The following ULK4 variants were observed in gnomAD, a reference collection of about 807,000 sequenced individuals.
The protein encoded by ULK4 is inactive serine/threonine-protein kinase ULK4.
Under a neutral mutation model 160.6 loss-of-function variants are expected in ULK4, and 133 were observed. That is an observed-to-expected ratio of 0.83 (90% confidence interval 0.72 to 0.96). The LOEUF (loss-of-function observed/expected upper bound fraction) is 0.96. ULK4 is among the 40% of genes least tolerant of loss of function. The pLI is 0.00. For missense variants in ULK4, 1,580 were observed against 1,499.5 expected (o/e 1.05, Z -0.89); for synonymous variants, 534 against 539.8 (o/e 0.99, Z 0.15).
At chr3:41,566,003 A>G (rs1266515879) in intron 32 of ULK4, 22 bp downstream of exon 32, 2 of 1,590,378 alleles carry the variant, frequency 1.3e-6, no homozygotes, top group African/African-American at 1.3e-5. Flanking sequence ...TTGATCAGAG[A>G]GTAATTCTAT....
chr3:41,858,774 G>A (rs2042431348), intron 17 of ULK4, among the ~76,000 whole-genome samples: 1 of 151,264 alleles, frequency 6.6e-6, no homozygotes, highest in Admixed American at 6.6e-5. Context: ...CAAAGTGTCG[G>A]GATTATAGGC....
At chr3:41,291,784 T>G (rs1329068927) in intron 35 of ULK4, among the ~76,000 whole-genome samples, 2 of 151,912 alleles carry the variant, frequency 1.3e-5, no homozygotes, top group Non-Finnish European at 2.9e-5. Context: ...GTTGCACAGC[T>G]GTATTTTGCT....
intron 34 of ULK4, among the ~76,000 whole-genome samples, chr3:41,414,159 C>T (rs183769077): frequency 3.3e-5 from 5 of 152,328 alleles, no homozygotes; most frequent in African/African-American, 7.2e-5. Context: ...AGAGATCGTG[C>T]CATTGCACTC....
chr3:41,685,548 C>A (rs924278676), intron 27 of ULK4, among the ~76,000 whole-genome samples: 3 of 152,058 alleles, frequency 2.0e-5, no homozygotes, highest in Non-Finnish European at 4.4e-5. Context: ...CAAAATAAAC[C>A]AAGATTGTAG....
intron 35 of ULK4, among the ~76,000 whole-genome samples, chr3:41,390,745 T>C (rs2081939274): frequency 6.6e-6 from 1 of 152,202 alleles, no homozygotes; most frequent in Non-Finnish European, 1.5e-5. Flanking sequence ...TTTGTTATAA[T>C]TTCTGTTCTT....
chr3:41,810,960 T>A (rs1426983863), intron 19 of ULK4, among the ~76,000 whole-genome samples: 2 of 152,212 alleles, frequency 1.3e-5, no homozygotes, highest in Non-Finnish European at 2.9e-5. Context: ...CATAGCTCAC[T>A]GCAGCCTCAA....
In ULK4 at chr3:41,539,580, T is replaced by C. The variant is rs114223136; in HGVS notation, c.3226+26445A>G. ...AGCATATACAGTTGGGGAACAGGGATAGACTATAGGAAAAAAATTAAATTA... is the reference window on the plus strand; with the variant it reads ...AGCATATACAGTTGGGGAACAGGGACAGACTATAGGAAAAAAATTAAATTA... On this transcript the variant is annotated intron_variant, in intron 32 of 36. Transcript: ENST00000301831. Among the ~76,000 whole-genome samples, 954 of 152,252 alleles carry C rather than the reference T, an allele frequency of 6.3e-3. 7 individuals carry two copies. The highest frequency in any genetic ancestry group is 0.022 in the African/African-American group (913 of 41,558).
intron 12 of ULK4, among the ~76,000 whole-genome samples, chr3:41,901,479 C>CCTTTTTTTTTTTTTTTTTTTT (rs1698358668): frequency 4.4e-5 from 1 of 22,524 alleles, no homozygotes; most frequent in Non-Finnish European, 1.7e-4. Flanking sequence ...CACGCCCAGC[C>CCTTTTTTTTTTTTTTTTTTTT]TTTTTTTTTT....
intron 34 of ULK4, among the ~76,000 whole-genome samples, chr3:41,429,372 C>A (rs576172227): frequency 2.6e-5 from 4 of 152,300 alleles, no homozygotes; most frequent in African/African-American, 9.6e-5. Context: ...TCAGAAATAA[C>A]ATTTGACCCA....
intron 30 of ULK4, among the ~76,000 whole-genome samples, chr3:41,635,559 T>C (rs2033920751): frequency 6.6e-6 from 1 of 152,200 alleles, no homozygotes; most frequent in African/African-American, 2.4e-5. Flanking sequence ...ACTTGTCTTT[T>C]TTCTACTTAT....
chr3:41,443,744 T>C (rs993463319), intron 34 of ULK4, among the ~76,000 whole-genome samples: 1 of 117,856 alleles, frequency 8.5e-6, no homozygotes, highest in Admixed American at 8.0e-5. Flanking sequence ...ATTTTAAATA[T>C]ATATTTTCAA....
At chr3:41,602,272 AAAGG>A (rs1267337285) in intron 31 of ULK4, among the ~76,000 whole-genome samples, 8 of 104,092 alleles carry the variant, frequency 7.7e-5, no homozygotes, top group African/African-American at 3.8e-4. Flanking sequence ...AAAGGAAAGG[AAAGG>A]AAAGGAAAGG....
chr3:41,640,933 C>A (rs879485109), intron 30 of ULK4, among the ~76,000 whole-genome samples: 4 of 152,138 alleles, frequency 2.6e-5, no homozygotes, highest in Admixed American at 1.3e-4. Context: ...CATCTATTTC[C>A]CACGTCTTCA....
chr3:41,919,635 A>T, intron 6 of ULK4, 82 bp downstream of exon 6: 1 of 1,163,910 alleles, frequency 8.6e-7, no homozygotes, highest in Non-Finnish European at 1.3e-6. Flanking sequence ...TTCACATCTT[A>T]TAGGTAAAAC....
At chr3:41,622,541 A>T (rs1468706408) in intron 30 of ULK4, among the ~76,000 whole-genome samples, 1 of 130,798 alleles carries the variant, frequency 7.6e-6, no homozygotes, top group Non-Finnish European at 1.5e-5. Flanking sequence ...TGGAAGTTAA[A>T]CAATGAGAAC....
At chr3:41,661,818 C>T (rs58268335) in intron 30 of ULK4, among the ~76,000 whole-genome samples, 7,551 of 152,068 alleles carry the variant, frequency 0.05, 602 homozygotes, top group African/African-American at 0.17. Flanking sequence ...CTAGAGTAAA[C>T]GGACTTCTAA....
chr3:41,576,674 A>T (rs1193648878), intron 31 of ULK4, among the ~76,000 whole-genome samples: 1 of 152,204 alleles, frequency 6.6e-6, no homozygotes, highest in African/African-American at 2.4e-5. Flanking sequence ...AGGATAAAAA[A>T]GGCCTTTCCC....
At chr3:41,876,407 T>A (rs557056114) in intron 17 of ULK4, among the ~76,000 whole-genome samples, 1 of 152,354 alleles carries the variant, frequency 6.6e-6, no homozygotes, top group South Asian at 2.1e-4. Flanking sequence ...TTTAACATGA[T>A]TTTATGCCAA....
intron 34 of ULK4, among the ~76,000 whole-genome samples, chr3:41,422,904 A>G (rs1480184299): frequency 6.6e-6 from 1 of 152,216 alleles, no homozygotes; most frequent in African/African-American, 2.4e-5. Flanking sequence ...ATAATGGAAA[A>G]TAACTGGAAA....
Sources: gnomAD v4.1 joint callset for allele counts (sites outside exome capture counted in the v4.1 genomes callset) on GRCh38, gnomAD v4.1.1 for gene constraint, MANE v1.5 for transcripts, NCBI Gene and HGNC (gene_info 2026-07-23, HGNC 2026-07-21) for gene names.